Variants in PARD3 observed in about 807,000 individuals in gnomAD.
The protein encoded by PARD3 is par-3 family cell polarity regulator.
Under a neutral mutation model 155.4 loss-of-function variants are expected in PARD3, and 75 were observed. The observed-to-expected ratio is 0.48, with a 90% CI of 0.40 to 0.58. PARD3 has a LOEUF of 0.58. Ranked by LOEUF, PARD3 falls within the 20% of genes least tolerant of loss-of-function variation. The pLI, the probability that PARD3 is intolerant of heterozygous loss-of-function variation, is 0.00. For missense variants in PARD3, 1,642 were observed against 1,721.7 expected, an observed-to-expected ratio of 0.95 and a Z score of 0.82; for synonymous variants, 576 against 610.5, an observed-to-expected ratio of 0.94 and a Z score of 0.83.
chr10:34,228,179 C>T (rs12242316), intron 22 of PARD3, among the ~76,000 whole-genome samples: 191 of 151,890 alleles, frequency 1.3e-3, no homozygotes, highest in African/African-American at 4.3e-3. Context: ...AAATACTGTA[C>T]GTTCTCAATT....
chr10:34,428,718 T>C (rs2075750248), intron 5 of PARD3, among the ~76,000 whole-genome samples: 1 of 152,180 alleles, frequency 6.6e-6, no homozygotes, highest in Non-Finnish European at 1.5e-5. Context: ...AAGCCAGTGG[T>C]TTTGCTAAAT....
intron 9 of PARD3, among the ~76,000 whole-genome samples, chr10:34,379,480 C>A (rs917650196): frequency 1.3e-5 from 2 of 152,012 alleles, no homozygotes; most frequent in African/African-American, 4.8e-5. Flanking sequence ...GGAGATTTTT[C>A]CATATGTCTC....
At chr10:34,197,615 T>C (rs1338105545) in intron 22 of PARD3, among the ~76,000 whole-genome samples, 2 of 152,234 alleles carry the variant, frequency 1.3e-5, no homozygotes, top group Non-Finnish European at 2.9e-5. Flanking sequence ...AGCTAATAAA[T>C]TCAGGCCTCC....
intron 22 of PARD3, among the ~76,000 whole-genome samples, chr10:34,209,485 T>C (rs1196952246): frequency 2.0e-5 from 3 of 152,352 alleles, no homozygotes; most frequent in Non-Finnish European, 4.4e-5. Flanking sequence ...AGATAAATGA[T>C]ATTAAAATTA....
At chr10:34,564,187 G>C (rs923917163) in intron 2 of PARD3, among the ~76,000 whole-genome samples, 2 of 152,122 alleles carry the variant, frequency 1.3e-5, no homozygotes, top group Admixed American at 6.6e-5. Flanking sequence ...TGTTACATGT[G>C]CATATAAAAT....
chr10:34,410,867 C>T lies in PARD3; in HGVS notation c.715-8950G>A, dbSNP rs1205551744. ...ACTGCCATTATAAAAGATTCATCAG[C>T]TCAGAGTCCTGTCCTGTAACATTAC... On this transcript the variant is annotated intron_variant, in intron 5 of 24. Coordinates refer to ENST00000374788, the MANE Select transcript of PARD3 (RefSeq NM_001184785.2). Among the ~76,000 whole-genome samples, 3 of 152,204 alleles carry T rather than the reference C, an allele frequency of 2.0e-5. No homozygotes were observed. The East Asian group carries it at 5.8e-4, about 29-fold the overall frequency.
At chr10:34,721,775 C>G (rs1267435677) in intron 1 of PARD3, among the ~76,000 whole-genome samples, 1 of 152,244 alleles carries the variant, frequency 6.6e-6, no homozygotes, top group Non-Finnish European at 1.5e-5. Flanking sequence ...CACTGCTAAT[C>G]TGAGTTATGT....
intron 5 of PARD3, among the ~76,000 whole-genome samples, chr10:34,441,141 C>T (rs1329386225): frequency 6.6e-6 from 1 of 152,070 alleles, no homozygotes; most frequent in South Asian, 2.1e-4. Context: ...TGAAAATAAA[C>T]CACCCCAGCA....
At chr10:34,456,456 C>T (rs2077346494) in intron 4 of PARD3, among the ~76,000 whole-genome samples, 1 of 152,046 alleles carries the variant, frequency 6.6e-6, no homozygotes. Context: ...ACCATCATGC[C>T]TGGCTAATTT....
chr10:34,694,163 AAAGAAACAAAAAAAAG>A (rs2094121349), intron 2 of PARD3, among the ~76,000 whole-genome samples: 1 of 82,710 alleles, frequency 1.2e-5, no homozygotes. Context: ...AGAAAAAAAA[AAAGAAACAAAAAAAAG>A]AAGGACGAAG....
intron 5 of PARD3, among the ~76,000 whole-genome samples, chr10:34,442,733 T>C (rs1043897072): frequency 5.3e-5 from 8 of 151,976 alleles, no homozygotes; most frequent in Non-Finnish European, 7.4e-5. Context: ...TAGCCAGGAG[T>C]GATGGTGTGC....
rs558844391 is a variant in PARD3, at chr10:34,417,689, C to T, written c.715-15772G>A. 2.9e-3 allele frequency among the ~76,000 whole-genome samples: 438 copies of T among 152,292 alleles called. 1 individual carries two copies. The highest frequency in any genetic ancestry group is 0.01 in the African/African-American group (420 of 41,570). On this transcript the variant is annotated intron_variant, in intron 5 of 24. Transcript: ENST00000374788. ...GGTTTTCAATTACCAACTGCATTTACTACTGTTCAGCTTTTCTGACTTTTC... is the reference window on the plus strand; with the variant it reads ...GGTTTTCAATTACCAACTGCATTTATTACTGTTCAGCTTTTCTGACTTTTC...
intron 21 of PARD3, among the ~76,000 whole-genome samples, chr10:34,271,180 A>G (rs527477884): frequency 1.3e-5 from 2 of 152,308 alleles, no homozygotes; most frequent in East Asian, 3.9e-4. Flanking sequence ...ATACATAAAC[A>G]TATATTCAAA....
chr10:34,488,264 G>C (rs1400324953), intron 3 of PARD3, among the ~76,000 whole-genome samples: 2 of 151,978 alleles, frequency 1.3e-5, no homozygotes, highest in African/African-American at 2.4e-5. Context: ...ATTTTTATCA[G>C]AGCTGGGCTT....
At chr10:34,191,472 A>T (rs1287360846) in intron 22 of PARD3, among the ~76,000 whole-genome samples, 1 of 152,190 alleles carries the variant, frequency 6.6e-6, no homozygotes, top group Non-Finnish European at 1.5e-5. Flanking sequence ...GGAAGGCATC[A>T]GGCCCAAGTC....
intron 19 of PARD3, among the ~76,000 whole-genome samples, chr10:34,326,639 G>A (rs1359084229): frequency 7.2e-5 from 11 of 152,182 alleles, no homozygotes; most frequent in Admixed American, 7.2e-4. Context: ...AGTAGAAAAT[G>A]AGATATCAAA....
chr10:34,637,438 A>C (rs948653021), intron 2 of PARD3, among the ~76,000 whole-genome samples: 1 of 152,228 alleles, frequency 6.6e-6, no homozygotes, highest in Non-Finnish European at 1.5e-5. Context: ...CACAAGTGTT[A>C]GTTTTAATTA....
Position 34,199,926 on chromosome 10 carries a change from C to T in PARD3, c.3420-68343G>A, listed in dbSNP as rs118130969. Among the ~76,000 whole-genome samples, 245 of 152,212 alleles carry T rather than the reference C, an allele frequency of 1.6e-3. 8 individuals are homozygous for T. The East Asian group carries it at 0.042, about 26-fold the overall frequency. ...AACAGAATACCACATCCATGAAAAACGGTTTAGTGATTCCAGGATATTGTG... is the reference window on the plus strand; with the variant it reads ...AACAGAATACCACATCCATGAAAAATGGTTTAGTGATTCCAGGATATTGTG... On this transcript the variant is annotated intron_variant, in intron 22 of 24. Transcript: ENST00000374788.
intron 2 of PARD3, among the ~76,000 whole-genome samples, chr10:34,579,101 C>T (rs1435179294): frequency 6.6e-6 from 1 of 152,082 alleles, no homozygotes; most frequent in African/African-American, 2.4e-5. Flanking sequence ...GAAACCCCAT[C>T]TCTACTAAAA....
Sources: allele counts gnomAD v4.1 joint callset (sites outside exome capture counted in the v4.1 genomes callset), GRCh38; gene constraint gnomAD v4.1.1; transcripts MANE v1.5; gene names NCBI Gene and HGNC (gene_info 2026-07-23, HGNC 2026-07-21).